LRRC4C: variants seen among roughly 807,000 people sequenced by gnomAD.
LRRC4C encodes the protein leucine rich repeat containing 4C.
Under a neutral mutation model 33.6 loss-of-function variants are expected in LRRC4C, and 5 were observed. The ratio of observed to expected loss-of-function variants is 0.15; its 90% CI spans 0.08 to 0.31. The LOEUF (loss-of-function observed/expected upper bound fraction) is 0.31. Among genes scored for constraint, LRRC4C ranks in the 10% least tolerant of loss-of-function variants. LRRC4C has a pLI of 1.00. For synonymous variants in LRRC4C, 329 were observed against 302.0 expected (o/e 1.09, Z -0.93); for missense variants, 560 against 796.7 (o/e 0.70, Z 3.58).
intron 2 of LRRC4C, among the ~76,000 whole-genome samples, chr11:40,896,081 A>G (rs1955926454): frequency 6.6e-6 from 1 of 151,832 alleles, no homozygotes; most frequent in South Asian, 2.1e-4. Flanking sequence ...CTTTCATCCA[A>G]CTCCAACCTT....
At chr11:40,152,200 G>T (rs1184871170) in intron 5 of LRRC4C, among the ~76,000 whole-genome samples, 2 of 152,208 alleles carry the variant, frequency 1.3e-5, no homozygotes, top group Non-Finnish European at 2.9e-5. Flanking sequence ...GAAGCTGAAG[G>T]TCTGTTTGCG....
At chr11:41,330,789 T>C (rs551157709) in intron 1 of LRRC4C, among the ~76,000 whole-genome samples, 4 of 152,086 alleles carry the variant, frequency 2.6e-5, no homozygotes, top group African/African-American at 9.6e-5. Flanking sequence ...TATTAATATA[T>C]ACTTTTAATA....
intron 2 of LRRC4C, among the ~76,000 whole-genome samples, chr11:40,777,290 CTTGA>C (rs1950039091): frequency 6.6e-6 from 1 of 152,026 alleles, no homozygotes; most frequent in Non-Finnish European, 1.5e-5. Context: ...AGTTTTCTAC[CTTGA>C]TTATTTGTCT....
chr11:40,515,659 TTAG>T (rs1382068077), intron 3 of LRRC4C, among the ~76,000 whole-genome samples: 3 of 152,028 alleles, frequency 2.0e-5, no homozygotes, highest in African/African-American at 4.8e-5. Flanking sequence ...ACTGTAAGAC[TTAG>T]TAGGTTAAAA....
intron 3 of LRRC4C, among the ~76,000 whole-genome samples, chr11:40,366,599 A>G (rs1282278505): frequency 1.3e-5 from 2 of 152,100 alleles, no homozygotes; most frequent in Non-Finnish European, 2.9e-5. Flanking sequence ...GTGTATATAT[A>G]GCTCATATAT....
chr11:40,523,293 A>AT (rs994538057), intron 3 of LRRC4C, among the ~76,000 whole-genome samples: 3 of 151,922 alleles, frequency 2.0e-5, no homozygotes, highest in Non-Finnish European at 2.9e-5. Context: ...GGTGTTGAGC[A>AT]TTTTTTTGTA....
At chr11:41,410,011 T>C (rs1057300467) in intron 1 of LRRC4C, among the ~76,000 whole-genome samples, 1 of 152,186 alleles carries the variant, frequency 6.6e-6, no homozygotes, top group Admixed American at 6.5e-5. Context: ...AGAAGATGCA[T>C]GTATATTTTT....
intron 1 of LRRC4C, among the ~76,000 whole-genome samples, chr11:40,990,480 A>T (rs1853456263): frequency 6.6e-6 from 1 of 151,840 alleles, no homozygotes; most frequent in South Asian, 2.1e-4. Context: ...TTCAAACTGA[A>T]AGAGTCTGAA....
chr11:41,376,404 G>C (rs1468031648), intron 1 of LRRC4C, among the ~76,000 whole-genome samples: 1 of 152,106 alleles, frequency 6.6e-6, no homozygotes, highest in Non-Finnish European at 1.5e-5. Flanking sequence ...TGAATTAGAT[G>C]ACACAAATCT....
intron 3 of LRRC4C, among the ~76,000 whole-genome samples, chr11:40,497,335 C>T (rs1015150614): frequency 7.3e-5 from 11 of 151,522 alleles, no homozygotes; most frequent in African/African-American, 2.4e-4. Context: ...ATCTGGGAGG[C>T]GGAGGTTGCA....
chr11:40,460,516 G>A (rs891375912), intron 3 of LRRC4C, among the ~76,000 whole-genome samples: 2 of 152,014 alleles, frequency 1.3e-5, no homozygotes, highest in African/African-American at 2.4e-5. Flanking sequence ...TAATTATGGA[G>A]GAAATTTCTT....
chr11:40,161,216 T>C (rs951225215), intron 5 of LRRC4C, among the ~76,000 whole-genome samples: 1 of 152,206 alleles, frequency 6.6e-6, no homozygotes, highest in Admixed American at 6.5e-5. Flanking sequence ...GAGTTTTTAA[T>C]TGCAGGTAAG....
intron 2 of LRRC4C, among the ~76,000 whole-genome samples, chr11:40,846,505 G>T (rs1481599481): frequency 1.3e-5 from 2 of 152,016 alleles, no homozygotes; most frequent in African/African-American, 4.8e-5. Flanking sequence ...TGGTGTTACT[G>T]CTAAGGCCTC....
intron 4 of LRRC4C, among the ~76,000 whole-genome samples, chr11:40,300,590 A>G (rs536035340): frequency 4.7e-4 from 72 of 152,336 alleles, no homozygotes; most frequent in Middle Eastern, 3.4e-3. Flanking sequence ...GGATCCCAGC[A>G]GACTGCAAAA....
chr11:40,267,822 A>G (rs1379923168), intron 4 of LRRC4C, among the ~76,000 whole-genome samples: 1 of 152,208 alleles, frequency 6.6e-6, no homozygotes, highest in Non-Finnish European at 1.5e-5. Flanking sequence ...GAAATACAGA[A>G]TGAAGTTTAA....
intron 5 of LRRC4C, among the ~76,000 whole-genome samples, chr11:40,179,336 T>C (rs1214948370): frequency 2.0e-5 from 3 of 152,308 alleles, no homozygotes; most frequent in Non-Finnish European, 2.9e-5. Context: ...ATTTAAATTA[T>C]ACTAATTTGT....
intron 2 of LRRC4C, among the ~76,000 whole-genome samples, chr11:40,906,989 G>A (rs180859473): frequency 2.4e-4 from 37 of 152,218 alleles, no homozygotes; most frequent in Admixed American, 1.1e-3. Flanking sequence ...CCTGGTTAAC[G>A]GAGTGATTTA....
At chr11:41,284,910 G>A (rs1949777083) in intron 1 of LRRC4C, among the ~76,000 whole-genome samples, 1 of 152,288 alleles carries the variant, frequency 6.6e-6, no homozygotes, top group African/African-American at 2.4e-5. Flanking sequence ...TGAGTACCTA[G>A]GCAAAGTGAA....
At chr11:41,370,135 G>A (rs1952689717) in intron 1 of LRRC4C, among the ~76,000 whole-genome samples, 1 of 152,074 alleles carries the variant, frequency 6.6e-6, no homozygotes, top group Non-Finnish European at 1.5e-5. Context: ...ATCTCATCTG[G>A]TATAATTTTG....
Sources: allele counts gnomAD v4.1 joint callset (sites outside exome capture counted in the v4.1 genomes callset), GRCh38; gene constraint gnomAD v4.1.1; transcripts MANE v1.5; gene names NCBI Gene and HGNC (gene_info 2026-07-23, HGNC 2026-07-21).